The following SYN2 variants were observed in gnomAD, a reference collection of about 807,000 sequenced individuals.
The protein encoded by SYN2 is synapsin-2.
In SYN2, 19 loss-of-function variants were observed where a neutral mutation model predicts 50.9. The observed-to-expected ratio is 0.37, with a 90% CI of 0.26 to 0.55. SYN2 has a LOEUF of 0.55. Ranked by LOEUF, SYN2 falls within the 20% of genes least tolerant of loss-of-function variation. SYN2 has a pLI of 0.81. For synonymous variants in SYN2, 255 were observed against 224.9 expected (o/e 1.13, Z -1.20); for missense variants, 587 against 576.4 (o/e 1.02, Z -0.19).
intron 10 of SYN2, among the ~76,000 whole-genome samples, chr3:12,178,171 T>C (rs934974736): frequency 2.0e-5 from 3 of 152,176 alleles, no homozygotes; most frequent in African/African-American, 7.2e-5. Context: ...CTGATCAGAA[T>C]AGTTCTGTGG....
intron 10 of SYN2, among the ~76,000 whole-genome samples, chr3:12,170,911 G>T (rs1004515767): frequency 2.6e-5 from 4 of 152,216 alleles, no homozygotes; most frequent in Admixed American, 6.5e-5. Context: ...TTCGTGACCA[G>T]CACATAAAAC....
chr3:12,050,592 C>A (rs952137996), intron 1 of SYN2, among the ~76,000 whole-genome samples: 16 of 151,796 alleles, frequency 1.1e-4, no homozygotes, highest in African/African-American at 3.9e-4. Context: ...GATCTGTCGG[C>A]CTCAGTCTCC....
intron 1 of SYN2, among the ~76,000 whole-genome samples, chr3:12,114,529 A>G (rs2125197245): frequency 6.6e-6 from 1 of 151,336 alleles, no homozygotes; most frequent in South Asian, 2.1e-4. Flanking sequence ...GATCATGAAG[A>G]TTTATCTCTA....
At chr3:12,140,824 A>ACTCTGCATCTCCTCT (rs1171374151) in intron 2 of SYN2, 116 bp downstream of exon 2, 1 of 703,268 alleles carries the variant, frequency 1.4e-6, no homozygotes, top group Non-Finnish European at 2.7e-6. Flanking sequence ...TGGGTTCTGG[A>ACTCTGCATCTCCTCT]CTCTGCATCT....
intron 1 of SYN2, among the ~76,000 whole-genome samples, chr3:12,130,041 ACCTTGATCT>A (rs1277302051): frequency 6.6e-6 from 1 of 152,094 alleles, no homozygotes; most frequent in Admixed American, 6.6e-5. Flanking sequence ...ATCTGCTGGC[ACCTTGATCT>A]GGACTTTCTA....
At chr3:12,183,256 T>G in intron 10 of SYN2, 56 bp from the exon 11 acceptor site, 1 of 1,569,174 alleles carries the variant, frequency 6.4e-7, no homozygotes, top group Non-Finnish European at 8.6e-7. Context: ...GTGGTTTCTC[T>G]TTGGAATTCA....
At chr3:12,137,247 CAA>C (rs551962770) in intron 1 of SYN2, among the ~76,000 whole-genome samples, 75 of 97,766 alleles carry the variant, frequency 7.7e-4, no homozygotes, top group Admixed American at 9.6e-4. Context: ...GATCCTGTCT[CAA>C]AAAAAAAAAA....
chr3:12,109,063 C>G, intron 1 of SYN2, among the ~76,000 whole-genome samples: 1 of 152,002 alleles, frequency 6.6e-6, no homozygotes, highest in Non-Finnish European at 1.5e-5. Context: ...TTTCTCTTAC[C>G]AGAAAGTACC....
intron 1 of SYN2, among the ~76,000 whole-genome samples, chr3:12,021,856 G>A (rs1694144311): frequency 6.6e-6 from 1 of 152,070 alleles, no homozygotes; most frequent in South Asian, 2.1e-4. Context: ...CCCAAGCTCA[G>A]GAGCTCGAGA....
chr3:12,010,279 A>C (rs577499352), intron 1 of SYN2, among the ~76,000 whole-genome samples: 2 of 152,118 alleles, frequency 1.3e-5, no homozygotes, highest in Non-Finnish European at 2.9e-5. Context: ...CCAAGTTCAG[A>C]TCTGTAATAA....
At chr3:12,021,013 A>G (rs1029267692) in intron 1 of SYN2, among the ~76,000 whole-genome samples, 4 of 152,212 alleles carry the variant, frequency 2.6e-5, no homozygotes, top group African/African-American at 9.7e-5. Flanking sequence ...TCATATACAC[A>G]CATTTTTACA....
At chr3:12,104,811 T>C (rs980126547) in intron 1 of SYN2, among the ~76,000 whole-genome samples, 6 of 152,048 alleles carry the variant, frequency 3.9e-5, no homozygotes, top group African/African-American at 1.4e-4. Flanking sequence ...TCAGGTGATC[T>C]ACCCGCCTTG....
At chr3:12,184,181 C>T in intron 11 of SYN2, 2 of 985,764 alleles carry the variant, frequency 2.0e-6, no homozygotes, top group Non-Finnish European at 1.2e-6. Context: ...CCAGTGTACC[C>T]TTTATTTTAT....
intron 1 of SYN2, among the ~76,000 whole-genome samples, chr3:12,073,102 G>A (rs1294943916): frequency 1.3e-5 from 2 of 152,146 alleles, no homozygotes; most frequent in African/African-American, 4.8e-5. Context: ...ACATTCTACA[G>A]TTTCAATGTG....
At chr3:12,146,268 G>A (rs1033525793) in intron 4 of SYN2, among the ~76,000 whole-genome samples, 2 of 152,226 alleles carry the variant, frequency 1.3e-5, no homozygotes, top group African/African-American at 4.8e-5. Flanking sequence ...CAAGGGAATA[G>A]TCCAACTCAG....
At chr3:12,099,975 G>GAAAAAAAAAAAAAAAAAAAAAAAA in intron 1 of SYN2, among the ~76,000 whole-genome samples, 1 of 120,186 alleles carries the variant, frequency 8.3e-6, no homozygotes, top group Non-Finnish European at 1.6e-5. Flanking sequence ...AAAAAAAAAA[G>GAAAAAAAAAAAAAAAAAAAAAAAA]AAAAAAAAAA....
At chr3:12,035,477 A>G (rs540101732) in intron 1 of SYN2, among the ~76,000 whole-genome samples, 1 of 152,366 alleles carries the variant, frequency 6.6e-6, no homozygotes, top group East Asian at 1.9e-4. Flanking sequence ...CATTTATTGC[A>G]GGGCACCAAG....
intron 5 of SYN2, chr3:12,158,824 C>T (rs779751780): frequency 8.8e-6 from 14 of 1,592,650 alleles, no homozygotes; most frequent in East Asian, 6.7e-5. Flanking sequence ...TGGCGCGGGC[C>T]GAGGGCTCCC....
intron 10 of SYN2, among the ~76,000 whole-genome samples, chr3:12,174,562 A>G (rs1574886510): frequency 6.6e-6 from 1 of 152,054 alleles, no homozygotes; most frequent in African/African-American, 2.4e-5. Flanking sequence ...GCTCACTGCC[A>G]CCACCGCCTC....
Sources: allele counts gnomAD v4.1 joint callset (sites outside exome capture counted in the v4.1 genomes callset), GRCh38; gene constraint gnomAD v4.1.1; transcripts MANE v1.5; gene names NCBI Gene and HGNC (gene_info 2026-07-23, HGNC 2026-07-21).